CLMP: variants seen among roughly 807,000 people sequenced by gnomAD.
CLMP encodes the protein CXADR like cell adhesion molecule.
CLMP carries 27 observed loss-of-function variants against 45.2 expected under a neutral mutation model. The ratio of observed to expected loss-of-function variants is 0.60; its 90% CI spans 0.44 to 0.82. The LOEUF is 0.82. CLMP is among the 40% of genes least tolerant of loss of function. CLMP has a pLI of 0.00. For synonymous variants in CLMP, 167 were observed against 171.4 expected (o/e 0.97, Z 0.20); for missense variants, 403 against 448.4 (o/e 0.90, Z 0.91).
chr11:123,137,165 T>A (rs1016648078), intron 1 of CLMP, among the ~76,000 whole-genome samples: 4 of 138,670 alleles, frequency 2.9e-5, no homozygotes, highest in Non-Finnish European at 4.7e-5. Flanking sequence ...TTTTTTTTTT[T>A]TTTTTTGAGA....
At chr11:123,173,643 C>T (rs1861663726) in intron 1 of CLMP, among the ~76,000 whole-genome samples, 1 of 152,184 alleles carries the variant, frequency 6.6e-6, no homozygotes, top group African/African-American at 2.4e-5. Context: ...AGAGCCTCAT[C>T]CTCCTCTGTA....
At chr11:123,153,945 C>T (rs1305335662) in intron 1 of CLMP, among the ~76,000 whole-genome samples, 3 of 151,894 alleles carry the variant, frequency 2.0e-5, no homozygotes, top group Non-Finnish European at 1.5e-5. Context: ...CTCAACCTCC[C>T]AAAGTGCTAG....
At chr11:123,151,675 C>T (rs995219916) in intron 1 of CLMP, among the ~76,000 whole-genome samples, 15 of 152,230 alleles carry the variant, frequency 9.9e-5, no homozygotes, top group African/African-American at 3.6e-4. Flanking sequence ...GCACCTTCTT[C>T]GTGTTCCTAC....
At chr11:123,180,156 T>A (rs1591488739) in intron 1 of CLMP, among the ~76,000 whole-genome samples, 1 of 152,376 alleles carries the variant, frequency 6.6e-6, no homozygotes, top group South Asian at 2.1e-4. Flanking sequence ...TGAGCATCTC[T>A]GTGTCAGGCA....
chr11:123,179,163 A>G (rs1861735868), intron 1 of CLMP, among the ~76,000 whole-genome samples: 1 of 152,098 alleles, frequency 6.6e-6, no homozygotes, highest in South Asian at 2.1e-4. Flanking sequence ...CATTACTAAT[A>G]TTTGTTACCT....
At chr11:123,160,674 T>C (rs1861474360) in intron 1 of CLMP, among the ~76,000 whole-genome samples, 1 of 152,142 alleles carries the variant, frequency 6.6e-6, no homozygotes, top group Non-Finnish European at 1.5e-5. Flanking sequence ...AGGCATGAAT[T>C]CTTCAAAGAA....
Position 123,073,804 on chromosome 11 carries a change from C to G in CLMP, c.822-30G>C, listed in dbSNP as rs375506971. On this transcript the variant is annotated intron_variant, in intron 6 of 6. Coordinates refer to ENST00000448775, the MANE Select transcript of CLMP (RefSeq NM_024769.5). ...AGAGAAAAAACAGCAAAGATTAACA[C>G]TGGCAGATCTGTGATTGCTTCCAGT... 110 of 1,534,330 alleles carry G rather than the reference C, an allele frequency of 7.2e-5. No individual in the cohort carries two copies. In the African/African-American group the frequency reaches 1.5e-3, roughly 20 times the overall value.
intron 2 of CLMP, among the ~76,000 whole-genome samples, chr11:123,087,334 T>A (rs1347295105): frequency 2.7e-5 from 4 of 149,454 alleles, no homozygotes; most frequent in Admixed American, 6.7e-5. Flanking sequence ...CGAAACTCCG[T>A]CTCAAAAAAA....
At chr11:123,157,391 C>G (rs1861428818) in intron 1 of CLMP, among the ~76,000 whole-genome samples, 1 of 152,120 alleles carries the variant, frequency 6.6e-6, no homozygotes, top group Middle Eastern at 3.4e-3. Context: ...CCCATCTCTA[C>G]TAAAAATACA....
At chr11:123,162,629 C>T (rs1231583464) in intron 1 of CLMP, among the ~76,000 whole-genome samples, 1 of 151,880 alleles carries the variant, frequency 6.6e-6, no homozygotes, top group East Asian at 1.9e-4. Context: ...GGTGTGATGG[C>T]TCACACCTGT....
chr11:123,166,366 G>A (rs1408907297), intron 1 of CLMP, among the ~76,000 whole-genome samples: 1 of 152,228 alleles, frequency 6.6e-6, no homozygotes, highest in Non-Finnish European at 1.5e-5. Flanking sequence ...CAGTCAGAAT[G>A]CCAAGAGCTG....
At chr11:123,127,743 A>G (rs147263007) in intron 1 of CLMP, among the ~76,000 whole-genome samples, 140 of 152,274 alleles carry the variant, frequency 9.2e-4, no homozygotes, top group African/African-American at 3.3e-3. Context: ...TAGTAGATAT[A>G]AAGAGTAACG....
intron 5 of CLMP, among the ~76,000 whole-genome samples, chr11:123,078,055 G>A (rs1206209308): frequency 2.0e-5 from 3 of 151,882 alleles, no homozygotes; most frequent in Non-Finnish European, 4.4e-5. Context: ...GCAGTGAGCC[G>A]AGATCGCACC....
intron 1 of CLMP, among the ~76,000 whole-genome samples, chr11:123,145,466 T>G (rs1565396105): frequency 2.0e-5 from 2 of 101,002 alleles, no homozygotes; most frequent in African/African-American, 4.7e-5. Flanking sequence ...TTTTTTTTTT[T>G]TTTTTTTTTT....
At chr11:123,184,220 G>T (rs1220186833) in intron 1 of CLMP, among the ~76,000 whole-genome samples, 1 of 151,990 alleles carries the variant, frequency 6.6e-6, no homozygotes, top group Non-Finnish European at 1.5e-5. Flanking sequence ...TCAGCCTCCT[G>T]AGTAGCTGGG....
rs1860762921 is a variant in CLMP at position 123,118,973 on chromosome 11, CTTTCTTTCTTTCTTTCTTTCTT to C, written c.29-21043_29-21022del. Among the ~76,000 whole-genome samples the C allele has an allele frequency of 6.3e-5, 3 of 47,816 alleles. 1 individual carries two copies. The highest frequency in any genetic ancestry group is 1.8e-3 in the South Asian group (2 of 1,126). The allele number at this position is 47,816 out of a possible 152,430, so 31.4% of individuals were successfully genotyped here. On this transcript the variant is annotated intron_variant, in intron 1 of 6. Transcript: ENST00000448775. ...TCTTTCTTTCTTTCTTTCTTTCTTT[CTTTCTTTCTTTCTTTCTTTCTT>C]TCTTTCTCTCTCTCTCTCTCTCTCT...
At chr11:123,132,996 T>C (rs1861013944) in intron 1 of CLMP, among the ~76,000 whole-genome samples, 1 of 152,124 alleles carries the variant, frequency 6.6e-6, no homozygotes, top group African/African-American at 2.4e-5. Context: ...CTCAAATTAC[T>C]GACCTCAAGC....
At chr11:123,165,839 C>G (rs1055153312) in intron 1 of CLMP, among the ~76,000 whole-genome samples, 14 of 152,212 alleles carry the variant, frequency 9.2e-5, no homozygotes, top group African/African-American at 3.4e-4. Context: ...TGCCCTCTCC[C>G]CAGGAAGATA....
At chr11:123,132,422 C>CT (rs903546960) in intron 1 of CLMP, among the ~76,000 whole-genome samples, 7 of 151,860 alleles carry the variant, frequency 4.6e-5, no homozygotes, top group East Asian at 3.9e-4. Context: ...TAACTTTTTC[C>CT]TTTTTTTTCT....
Sources: allele counts gnomAD v4.1 joint callset (sites outside exome capture counted in the v4.1 genomes callset), GRCh38; gene constraint gnomAD v4.1.1; transcripts MANE v1.5; gene names NCBI Gene and HGNC (gene_info 2026-07-23, HGNC 2026-07-21).